SMARCC1: variants seen among roughly 807,000 people sequenced by gnomAD.
SMARCC1 encodes SWI/SNF complex subunit SMARCC1.
Under a neutral mutation model 147.4 loss-of-function variants are expected in SMARCC1, and 43 were observed. That is an observed-to-expected ratio of 0.29 (90% CI 0.23 to 0.38). SMARCC1 has a LOEUF of 0.38. Ranked by LOEUF, SMARCC1 falls within the 10% of genes least tolerant of loss-of-function variation. The pLI is 1.00. For missense variants in SMARCC1, 1,119 were observed against 1,381.1 expected, an observed-to-expected ratio of 0.81 and a Z score of 3.01; for synonymous variants, 495 against 484.4, an observed-to-expected ratio of 1.02 and a Z score of -0.29.
Position 47,706,421 on chromosome 3 carries a change from C to G in SMARCC1, c.1028G>C (p.Ser343Thr). ...PPTPTESRKK[S>T]GKKGQASLYG... Reference sequence around the variant, plus strand: ...TAATAGTTCTTACCCTTTCTTCCCACTCTTCTTCCGTGATTCTGTTGGTGT... The same window carrying G: ...TAATAGTTCTTACCCTTTCTTCCCAGTCTTCTTCCGTGATTCTGTTGGTGT... The change falls in exon 10 of 28, where the codon AGT (serine) becomes ACT (threonine). Residue 343 changes from serine (S) to threonine (T), a missense_variant. Around this residue, in one of 6 missense-constraint regions of SMARCC1, gnomAD observed 542 missense variants for 611.8 expected, o/e 0.89. Coordinates refer to ENST00000254480, the MANE Select transcript of SMARCC1 (RefSeq NM_003074.4). 1 of 1,571,142 alleles carries G rather than the reference C, an allele frequency of 6.4e-7. No homozygotes were observed. The highest frequency in any genetic ancestry group is 8.6e-7 in the Non-Finnish European group (1 of 1,163,810).
chr3:47,706,300 G>C (rs767329727), intron 10 of SMARCC1, 109 bp downstream of exon 10: 66 of 1,011,156 alleles, frequency 6.5e-5, no homozygotes, highest in Non-Finnish European at 8.8e-5. Context: ...TTGAACTACT[G>C]ACCTCAGTTG....
rs34260316 is a variant in SMARCC1, at chr3:47,722,293, A to ATTTTTT, written c.647-1564_647-1559dup. On this transcript the variant is annotated intron_variant, in intron 6 of 27. Transcript: ENST00000254480. ...CAGCTGACTTTTGATACAAATTTTG[A>ATTTTTT]TTTTTTTTTTTTTTTTTTTTTGAGA... 1.6e-4 allele frequency among the ~76,000 whole-genome samples: 17 copies of ATTTTTT among 107,064 alleles called. 1 individual carries two copies. Among genetic ancestry groups the ATTTTTT allele is most frequent in the Non-Finnish European group, 2.5e-4 (14 of 55,572 alleles). 70.2% of individuals were successfully genotyped at this position (107,064 alleles called of 152,430 possible). A position where few individuals can be genotyped will look rare whatever the true frequency, so the allele number is the denominator to read the frequency against.
At chr3:47,674,841 T>A (rs1478155420) in intron 18 of SMARCC1, among the ~76,000 whole-genome samples, 2 of 152,304 alleles carry the variant, frequency 1.3e-5, no homozygotes, top group Non-Finnish European at 2.9e-5. Context: ...CTCCATTCAT[T>A]CTCTTATGGG....
At chr3:47,653,160 T>G (rs2033214712) in intron 21 of SMARCC1, among the ~76,000 whole-genome samples, 1 of 152,164 alleles carries the variant, frequency 6.6e-6, no homozygotes, top group African/African-American at 2.4e-5. Flanking sequence ...GGTTTCACCT[T>G]GTTAGCCAGG....
At chr3:47,661,502 AT>A in intron 20 of SMARCC1, 47 bp from the exon 21 acceptor site, 1 of 1,547,666 alleles carries the variant, frequency 6.5e-7, no homozygotes, top group Non-Finnish European at 8.7e-7. Context: ...TTGCACAAAA[AT>A]TTGCTTCAGT....
chr3:47,680,126 A>G (rs999747209), intron 15 of SMARCC1: 3 of 245,148 alleles, frequency 1.2e-5, no homozygotes, highest in African/African-American at 7.0e-5. Flanking sequence ...AGAGGCAGAG[A>G]TGGGAGGATC....
At chr3:47,651,861 A>C (rs2033194644) in intron 21 of SMARCC1, among the ~76,000 whole-genome samples, 1 of 152,226 alleles carries the variant, frequency 6.6e-6, no homozygotes, top group African/African-American at 2.4e-5. Flanking sequence ...CATCCAGAAC[A>C]CAAAGAAATG....
At chr3:47,688,175 G>A (rs11707707) in intron 13 of SMARCC1, among the ~76,000 whole-genome samples, 40,866 of 151,894 alleles carry the variant, frequency 0.27, 6,093 homozygotes, top group South Asian at 0.42. Flanking sequence ...CAGGAGAATC[G>A]CTAGAACCCG....
At chr3:47,743,381 T>C (rs1174991004) in intron 3 of SMARCC1, among the ~76,000 whole-genome samples, 1 of 152,194 alleles carries the variant, frequency 6.6e-6, no homozygotes, top group Non-Finnish European at 1.5e-5. Flanking sequence ...AACCCTATCC[T>C]TTACGTCTTT....
intron 19 of SMARCC1, 191 bp downstream of exon 19, chr3:47,670,467 C>T: frequency 1.8e-6 from 1 of 555,152 alleles, no homozygotes. Flanking sequence ...CGCCCTTAGT[C>T]CCAGCTATTC....
chr3:47,597,189 C>T (rs1356684546), intron 26 of SMARCC1, among the ~76,000 whole-genome samples: 4 of 151,496 alleles, frequency 2.6e-5, no homozygotes, highest in African/African-American at 9.7e-5. Flanking sequence ...TGAGGTCTTG[C>T]TCTGTCACCC....
chr3:47,752,663 G>A (rs2034641972), intron 2 of SMARCC1, among the ~76,000 whole-genome samples: 1 of 151,964 alleles, frequency 6.6e-6, no homozygotes, highest in Non-Finnish European at 1.5e-5. Context: ...GGCATGGTAG[G>A]ATGTACCTCC....
At position 47,733,275 on chromosome 3, in the gene SMARCC1, C is replaced by T. The variant is rs1161245632; in HGVS notation, c.576+2759G>A. ...CTTCCATTTAAAAAAAGGAGCAGGG[C>T]GGCTGCGGGGTGGTGCTGCAGGGCG... On this transcript the variant is annotated intron_variant, in intron 5 of 27. Coordinates refer to ENST00000254480, the MANE Select transcript of SMARCC1 (RefSeq NM_003074.4). Among the ~76,000 whole-genome samples, 5 of 151,892 alleles carry T rather than the reference C, an allele frequency of 3.3e-5. No individual in the cohort carries two copies. The East Asian group carries it at 5.9e-4, about 18-fold the overall frequency.
intron 18 of SMARCC1, among the ~76,000 whole-genome samples, chr3:47,674,430 AGTTT>A (rs1280726056): frequency 7.9e-5 from 12 of 152,214 alleles, no homozygotes; most frequent in Non-Finnish European, 1.8e-4. Context: ...CCAGATAGAT[AGTTT>A]TTCTTTTCCA....
chr3:47,659,118 A>AC (rs59540812), intron 21 of SMARCC1, among the ~76,000 whole-genome samples: 1 of 25,508 alleles, frequency 3.9e-5, no homozygotes, highest in African/African-American at 8.4e-5. Context: ...ACTCTGTCTC[A>AC]AAAAAAAAAA....
intron 26 of SMARCC1, among the ~76,000 whole-genome samples, chr3:47,592,106 C>T (rs972575095): frequency 6.6e-6 from 1 of 152,214 alleles, no homozygotes; most frequent in African/African-American, 2.4e-5. Flanking sequence ...TGATAGCTAA[C>T]TGGCAATTAA....
At chr3:47,601,284 T>C (rs903231774) in intron 26 of SMARCC1, among the ~76,000 whole-genome samples, 6 of 152,106 alleles carry the variant, frequency 3.9e-5, no homozygotes, top group Non-Finnish European at 8.8e-5. Flanking sequence ...GGAATATTAG[T>C]AAAGGACCTT....
chr3:47,697,097 G>C (rs1044605738), intron 11 of SMARCC1, among the ~76,000 whole-genome samples: 13 of 152,184 alleles, frequency 8.5e-5, no homozygotes, highest in African/African-American at 2.9e-4. Flanking sequence ...GAGGAGGGTA[G>C]ATTGCTTGAG....
intron 21 of SMARCC1, among the ~76,000 whole-genome samples, chr3:47,659,820 A>G (rs1199853427): frequency 1.3e-5 from 2 of 150,956 alleles, no homozygotes; most frequent in Non-Finnish European, 2.9e-5. Flanking sequence ...AATGGCCAAT[A>G]AACACATGAT....
Sources: allele counts gnomAD v4.1 joint callset (sites outside exome capture counted in the v4.1 genomes callset), GRCh38; gene constraint gnomAD v4.1.1; regional missense constraint gnomAD v4.1.1; transcripts MANE v1.5; gene names NCBI Gene and HGNC (gene_info 2026-07-23, HGNC 2026-07-21).